PARD3B: variants seen among roughly 807,000 people sequenced by gnomAD.
The protein encoded by PARD3B is par-3 family cell polarity regulator beta.
PARD3B carries 103 observed loss-of-function variants against 130.2 expected under a neutral mutation model. The ratio of observed to expected loss-of-function variants is 0.79; its 90% CI spans 0.67 to 0.93. PARD3B has a LOEUF of 0.93. PARD3B is among the 40% of genes least tolerant of loss of function. PARD3B has a pLI of 0.00. For missense variants in PARD3B, 1,609 were observed against 1,499.2 expected (o/e 1.07, Z -1.21); for synonymous variants, 583 against 553.2 (o/e 1.05, Z -0.76).
intron 1 of PARD3B, among the ~76,000 whole-genome samples, chr2:204,557,839 C>T (rs1211253768): frequency 6.6e-6 from 1 of 152,186 alleles, no homozygotes; most frequent in Non-Finnish European, 1.5e-5. Context: ...TTAGATTTTT[C>T]AGACTGAGTG....
chr2:205,504,160 T>C (rs999887323), intron 21 of PARD3B, among the ~76,000 whole-genome samples: 1 of 152,180 alleles, frequency 6.6e-6, no homozygotes, highest in Non-Finnish European at 1.5e-5. Context: ...CCCTATTTAA[T>C]AAATGGTGCT....
chr2:204,563,259 C>T (rs932074048), intron 1 of PARD3B, among the ~76,000 whole-genome samples: 11 of 142,944 alleles, frequency 7.7e-5, no homozygotes, highest in African/African-American at 2.5e-4. Context: ...CTCTCTCTCT[C>T]TCTCTCTTTC....
chr2:204,938,644 C>T (rs989940072), intron 2 of PARD3B, among the ~76,000 whole-genome samples: 7 of 152,202 alleles, frequency 4.6e-5, no homozygotes, highest in Non-Finnish European at 8.8e-5. Flanking sequence ...GCATTAAAAT[C>T]ATTTAGGGAA....
chr2:204,997,024 C>A, intron 3 of PARD3B, among the ~76,000 whole-genome samples: 1 of 152,098 alleles, frequency 6.6e-6, no homozygotes, highest in Non-Finnish European at 1.5e-5. Flanking sequence ...GATGGAAATG[C>A]AGAAATCACC....
chr2:205,168,340 G>A (rs1271261127), intron 11 of PARD3B, among the ~76,000 whole-genome samples: 1 of 92,746 alleles, frequency 1.1e-5, no homozygotes, highest in Admixed American at 1.1e-4. Context: ...TGTGAATATT[G>A]CAAGCATAAC....
At chr2:204,563,217 GTCTCTCTCTC>G (rs35536964) in intron 1 of PARD3B, among the ~76,000 whole-genome samples, 5,866 of 86,614 alleles carry the variant, frequency 0.068, 190 homozygotes, top group African/African-American at 0.094. Flanking sequence ...TCTTCCCGCT[GTCTCTCTCTC>G]TCTCTCTCTC....
chr2:205,149,948 C>T (rs1158131888), intron 10 of PARD3B, among the ~76,000 whole-genome samples: 1 of 152,062 alleles, frequency 6.6e-6, no homozygotes, highest in African/African-American at 2.4e-5. Context: ...TGGACAGACA[C>T]CCACAACAAA....
chr2:205,199,397 G>C (rs560288553), intron 15 of PARD3B, among the ~76,000 whole-genome samples: 1 of 152,184 alleles, frequency 6.6e-6, no homozygotes, highest in South Asian at 2.1e-4. Flanking sequence ...CGGCTATGTA[G>C]AAAAGAGGAA....
At chr2:205,484,098 T>A (rs1430041014) in intron 20 of PARD3B, among the ~76,000 whole-genome samples, 1 of 152,144 alleles carries the variant, frequency 6.6e-6, no homozygotes. Flanking sequence ...TCATGGCAAA[T>A]AGCAGAATTC....
chr2:205,178,143 TAAAAAAAAAAAAAAAAAAAA>T (rs58267787), intron 13 of PARD3B, among the ~76,000 whole-genome samples: 6 of 20,774 alleles, frequency 2.9e-4, no homozygotes, highest in Non-Finnish European at 4.7e-4. Context: ...CCATCTGTAC[TAAAAAAAAAAAAAAAAAAAA>T]AAAAAAAAAA....
intron 20 of PARD3B, among the ~76,000 whole-genome samples, chr2:205,442,486 A>G (rs1055256317): frequency 7.2e-5 from 11 of 152,140 alleles, no homozygotes; most frequent in African/African-American, 2.4e-4. Flanking sequence ...AATTTTTAGT[A>G]GAGACAGGGT....
chr2:205,061,083 C>G (rs1700037145), intron 4 of PARD3B, among the ~76,000 whole-genome samples: 1 of 152,034 alleles, frequency 6.6e-6, no homozygotes, highest in Admixed American at 6.6e-5. Context: ...TCAGAGGTAC[C>G]TTACTGGAAG....
intron 22 of PARD3B, among the ~76,000 whole-genome samples, chr2:205,611,258 AGG>A (rs2055219222): frequency 6.6e-6 from 1 of 152,174 alleles, no homozygotes; most frequent in South Asian, 2.1e-4. Flanking sequence ...TCCTAGCAAG[AGG>A]TTTGCTATTA....
At chr2:204,859,603 G>A (rs1221884969) in intron 2 of PARD3B, among the ~76,000 whole-genome samples, 3 of 152,150 alleles carry the variant, frequency 2.0e-5, no homozygotes, top group Non-Finnish European at 2.9e-5. Context: ...CTGACATTCA[G>A]TTGAATGTTA....
chr2:204,800,852 A>G (rs1294096643), intron 2 of PARD3B, among the ~76,000 whole-genome samples: 1 of 152,150 alleles, frequency 6.6e-6, no homozygotes, highest in Non-Finnish European at 1.5e-5. Flanking sequence ...TAGGTCTTAC[A>G]TTTAAGTCTT....
chr2:204,626,211 A>G (rs754718061), intron 1 of PARD3B, among the ~76,000 whole-genome samples: 39 of 152,172 alleles, frequency 2.6e-4, no homozygotes, highest in Admixed American at 5.9e-4. Context: ...GCCCTAATAA[A>G]TAACTAAAGA....
At chr2:205,377,489 G>A (rs2045107405) in intron 18 of PARD3B, among the ~76,000 whole-genome samples, 1 of 152,080 alleles carries the variant, frequency 6.6e-6, no homozygotes, top group Admixed American at 6.6e-5. Flanking sequence ...TGAGGGATGA[G>A]AGGGAGGGAA....
At chr2:204,639,636 C>A (rs891048571) in intron 1 of PARD3B, among the ~76,000 whole-genome samples, 5 of 152,082 alleles carry the variant, frequency 3.3e-5, no homozygotes, top group African/African-American at 1.2e-4. Flanking sequence ...TGATTTAAAA[C>A]TATAGGGGAA....
At chr2:205,140,705 G>A (rs1339051008) in intron 10 of PARD3B, among the ~76,000 whole-genome samples, 2 of 152,010 alleles carry the variant, frequency 1.3e-5, no homozygotes, top group Admixed American at 6.6e-5. Context: ...GTACTGTTAT[G>A]CTGAATAATG....
Sources: gnomAD v4.1 joint callset for allele counts (sites outside exome capture counted in the v4.1 genomes callset) on GRCh38, gnomAD v4.1.1 for gene constraint, MANE v1.5 for transcripts, NCBI Gene and HGNC (gene_info 2026-07-23, HGNC 2026-07-21) for gene names.